The following KANTR variants were observed in gnomAD, a reference collection of about 807,000 sequenced individuals.
KANTR encodes the protein KDM5C adjacent transcript.
intron 2 of KANTR, among the ~76,000 whole-genome samples, chrX:53,118,874 A>G (rs1161306954): frequency 1.8e-5 from 2 of 111,076 alleles, no homozygotes; most frequent in African/African-American, 6.6e-5. Flanking sequence ...CCAAGTAGCT[A>G]GAATTATAGA....
intron 2 of KANTR, among the ~76,000 whole-genome samples, chrX:53,113,844 G>A (rs1291479174): frequency 2.8e-5 from 3 of 108,801 alleles, no homozygotes; most frequent in Non-Finnish European, 5.7e-5. Flanking sequence ...GCCTCCCAAA[G>A]TGCTGGGATT....
At chrX:53,102,527 C>T (rs782277090) in intron 2 of KANTR, among the ~76,000 whole-genome samples, 4 of 112,161 alleles carry the variant, frequency 3.6e-5, no homozygotes, top group African/African-American at 1.3e-4. Context: ...GAAGTTATGT[C>T]TTCAGTGCTT....
intron 2 of KANTR, among the ~76,000 whole-genome samples, chrX:53,104,971 A>G (rs1337928168): frequency 4.6e-5 from 5 of 108,979 alleles, no homozygotes; most frequent in Non-Finnish European, 9.6e-5. Flanking sequence ...TGCAACCTCC[A>G]CCTCCTGGGC....
chrX:53,117,239 A>C (rs1556814741), intron 2 of KANTR, among the ~76,000 whole-genome samples: 1 of 111,908 alleles, frequency 8.9e-6, no homozygotes, highest in Admixed American at 9.5e-5. Context: ...AGGTCACGCC[A>C]CTGCACTCCA....
intron 2 of KANTR, among the ~76,000 whole-genome samples, chrX:53,110,181 T>TATTC (rs1420354953): frequency 8.9e-6 from 1 of 112,214 alleles, no homozygotes; most frequent in Non-Finnish European, 1.9e-5. Flanking sequence ...TCTCTTGACT[T>TATTC]ATTCCTCTGG....
intron 2 of KANTR, among the ~76,000 whole-genome samples, chrX:53,106,433 C>G (rs944379440): frequency 3.6e-5 from 4 of 109,954 alleles, no homozygotes; most frequent in African/African-American, 1.0e-4. Context: ...GACAGGGTCT[C>G]GTTCTGTCAC....
rs1933252748 is a variant in KANTR at position 53,123,472 on chromosome X, A to C, written c.-801A>C. The C allele has an allele frequency of 1.8e-5, 2 of 111,852 alleles. No homozygotes were observed. The highest frequency in any genetic ancestry group is 7.4e-4 in the South Asian group (2 of 2,701). 9.2% of individuals were successfully genotyped at this position (111,852 alleles called of 1,213,427 possible). On this transcript the variant is annotated 5_prime_UTR_variant, in exon 3 of 3. An upstream start codon of the reference 5' UTR is lost. Coordinates refer to ENST00000604062, the Ensembl canonical transcript of KANTR. ...ATGATGAAGCTCTTATTTGCAGAAC[A>C]TGCATCATTATTAGAACCATCACCC...
At chrX:53,130,669 A>C (rs1933350207), downstream of KANTR, among the ~76,000 whole-genome samples, 1 of 112,163 alleles carries the variant, frequency 8.9e-6, no homozygotes. Flanking sequence ...AGCACTGTAT[A>C]TGTGTTTGCT....
intron 2 of KANTR, among the ~76,000 whole-genome samples, chrX:53,113,432 A>G (rs1302047646): frequency 3.6e-5 from 4 of 110,448 alleles, no homozygotes; most frequent in Non-Finnish European, 7.6e-5. Context: ...ATTTTCTTGA[A>G]GTTCTGAGCT....
intron 2 of KANTR, among the ~76,000 whole-genome samples, chrX:53,133,134 G>A (rs1002153665): frequency 4.5e-5 from 5 of 110,143 alleles, no homozygotes; most frequent in African/African-American, 1.7e-4. Flanking sequence ...TCGAAAGGCC[G>A]AGGCGGGAAG....
intron 2 of KANTR, among the ~76,000 whole-genome samples, chrX:53,116,817 T>C (rs1200357607): frequency 8.9e-6 from 1 of 111,744 alleles, no homozygotes; most frequent in Non-Finnish European, 1.9e-5. Context: ...ATCTATCTAC[T>C]ATTACTCCTG....
At chrX:53,122,331 T>C (rs1310430669) in intron 2 of KANTR, among the ~76,000 whole-genome samples, 1 of 112,319 alleles carries the variant, frequency 8.9e-6, no homozygotes, top group Admixed American at 9.5e-5. Flanking sequence ...GGAACCCTGG[T>C]TCCTTTTAAG....
chrX:53,101,446 A>C (rs1462526461), intron 2 of KANTR, among the ~76,000 whole-genome samples: 1 of 111,795 alleles, frequency 8.9e-6, no homozygotes, highest in East Asian at 2.8e-4. Flanking sequence ...TCTCCAAAAA[A>C]ATAAAAATAA....
chrX:53,100,480 CAA>C (rs1279909045), intron 2 of KANTR, among the ~76,000 whole-genome samples: 2 of 85,921 alleles, frequency 2.3e-5, no homozygotes, highest in African/African-American at 4.4e-5. Flanking sequence ...AACTCCGTCT[CAA>C]AAAAAAAAAA....
At position 53,106,847 on chromosome X, in the gene KANTR, G is replaced by A. The variant is rs986897256; in HGVS notation, c.-805+7239G>A. ...ACGACCTTGTCATAGACCAGGCATA[G>A]TGACACCCATCTGTAGTCCCAGCTA... On this transcript the variant is annotated intron_variant, in intron 2 of 2. Transcript: ENST00000604062. 2.0e-4 allele frequency among the ~76,000 whole-genome samples: 22 copies of A among 110,421 alleles called. 2 individuals are homozygous for A. The highest frequency in any genetic ancestry group is 7.1e-4 in the African/African-American group (21 of 29,514).
downstream of KANTR, among the ~76,000 whole-genome samples, chrX:53,146,640 G>A (rs200566392): frequency 8.2e-5 from 9 of 110,053 alleles, no homozygotes; most frequent in Non-Finnish European, 1.1e-4. Context: ...GGTACTCCTC[G>A]AGAAGAGCAA....
At chrX:53,144,832 AC>A (rs1465863378), downstream of KANTR, among the ~76,000 whole-genome samples, 2 of 111,830 alleles carry the variant, frequency 1.8e-5, no homozygotes, top group Non-Finnish European at 3.8e-5. Context: ...AGTGTCCCTT[AC>A]ACAATTTATT....
At chrX:53,096,655 G>A (rs1003550746) in intron 1 of KANTR, among the ~76,000 whole-genome samples, 3 of 109,898 alleles carry the variant, frequency 2.7e-5, no homozygotes, top group Non-Finnish European at 3.8e-5. Flanking sequence ...ATGAAACCCC[G>A]TCTCTACAAA....
At chrX:53,108,302 A>T (rs1176100191) in intron 2 of KANTR, among the ~76,000 whole-genome samples, 1 of 109,372 alleles carries the variant, frequency 9.1e-6, no homozygotes, top group African/African-American at 3.3e-5. Flanking sequence ...CCCGGGTTCA[A>T]GCAATTCTTG....
Sources: allele counts gnomAD v4.1 joint callset (sites outside exome capture counted in the v4.1 genomes callset), GRCh38; gene constraint gnomAD v4.1.1; transcripts MANE v1.5; gene names NCBI Gene and HGNC (gene_info 2026-07-23, HGNC 2026-07-21).